WSCD1: variants seen among roughly 807,000 people sequenced by gnomAD.
WSCD1 encodes the protein WSC domain sialate O sulfotransferase 1.
In WSCD1, 41 loss-of-function variants were observed where a neutral mutation model predicts 60.4. That is an observed-to-expected ratio of 0.68 (90% CI 0.53 to 0.88). WSCD1 has a LOEUF of 0.88. Among genes scored for constraint, WSCD1 ranks in the 40% least tolerant of loss-of-function variants. The probability of loss-of-function intolerance (pLI) is 0.00; values close to 1 mark genes in which losing one functional copy is unlikely to be tolerated. For missense variants in WSCD1, 784 were observed against 796.2 expected, an observed-to-expected ratio of 0.98 and a Z score of 0.18; for synonymous variants, 361 against 332.5, an observed-to-expected ratio of 1.09 and a Z score of -0.93.
At chr17:6,112,874 A>G (rs918144726) in intron 7 of WSCD1, among the ~76,000 whole-genome samples, 3 of 152,188 alleles carry the variant, frequency 2.0e-5, no homozygotes, top group African/African-American at 7.2e-5. Context: ...TGCTACCAAA[A>G]GCAATCAACA....
intron 2 of WSCD1, among the ~76,000 whole-genome samples, chr17:6,085,967 G>A (rs1909611205): frequency 6.6e-6 from 1 of 152,128 alleles, no homozygotes; most frequent in Non-Finnish European, 1.5e-5. Flanking sequence ...GCATGTGCCT[G>A]TGGGCGTGGC....
chr17:6,120,634 G>C lies in WSCD1; in HGVS notation c.1701G>C (p.Gly567=). The C allele has an allele frequency of 6.2e-7, 1 of 1,612,748 alleles. No individual in the cohort carries two copies. The highest frequency in any genetic ancestry group is 1.3e-5 in the African/African-American group (1 of 75,046). Residue 567 remains glycine (G), a synonymous_variant, in exon 9 of 9, where the codon GGG becomes GGC. Coordinates refer to ENST00000317744, the MANE Select transcript of WSCD1 (RefSeq NM_015253.2). The part of the protein sequence containing the change: ...DQALRDHNWT[G]LPREYVPR ...CCCTGCGTGACCACAACTGGACGGG[G>C]CTGCCCAGGGAGTATGTGCCCAGAT...
At chr17:6,069,941 G>A (rs1908421951), upstream of WSCD1, among the ~76,000 whole-genome samples, 1 of 151,406 alleles carries the variant, frequency 6.6e-6, no homozygotes. Context: ...GTGTGAGTGT[G>A]GGTGTCGGTG....
chr17:6,116,296 G>GGTC (rs1203646183), intron 7 of WSCD1, among the ~76,000 whole-genome samples: 1 of 152,114 alleles, frequency 6.6e-6, no homozygotes, highest in African/African-American at 2.4e-5. Flanking sequence ...ATAGAGGTTG[G>GGTC]GTCGACACTG....
chr17:6,109,594 C>T lies in WSCD1; in HGVS notation c.850-13C>T, dbSNP rs775965865. 1.2e-5 allele frequency: 19 copies of T among 1,612,320 alleles called. No individual in the cohort carries two copies. Among genetic ancestry groups the T allele is most frequent in the Middle Eastern group, 1.7e-4 (1 of 6,056 alleles). ...TCACTCAGTGTGCTTCTCTTCTTATCGTTCCCTGGCAGGAGTTCCCCTTGG... is the reference window on the plus strand; with the variant it reads ...TCACTCAGTGTGCTTCTCTTCTTATTGTTCCCTGGCAGGAGTTCCCCTTGG... On this transcript the variant is annotated splice_polypyrimidine_tract_variant and intron_variant, in intron 5 of 8. Coordinates refer to ENST00000317744, the MANE Select transcript of WSCD1 (RefSeq NM_015253.2).
intron 2 of WSCD1, among the ~76,000 whole-genome samples, chr17:6,084,538 C>T (rs538128750): frequency 1.3e-5 from 2 of 152,354 alleles, no homozygotes; most frequent in East Asian, 1.9e-4. Context: ...CTGCAGGAGG[C>T]TCCATCAATC....
chr17:6,089,098 A>G (rs1001488853), intron 3 of WSCD1, among the ~76,000 whole-genome samples: 1 of 152,224 alleles, frequency 6.6e-6, no homozygotes, highest in Non-Finnish European at 1.5e-5. Context: ...TTGTTATGTC[A>G]CATAAATTCT....
intron 5 of WSCD1, among the ~76,000 whole-genome samples, chr17:6,100,976 T>C (rs1910766644): frequency 6.6e-6 from 1 of 152,170 alleles, no homozygotes; most frequent in Admixed American, 6.5e-5. Context: ...GTGAAATTGT[T>C]TGGAAGTTGA....
intron 4 of WSCD1, 26 bp downstream of exon 4, chr17:6,090,531 C>T: frequency 6.2e-7 from 1 of 1,609,864 alleles, no homozygotes; most frequent in Non-Finnish European, 8.5e-7. Flanking sequence ...TCTTCCTGAG[C>T]TTTGTCCGTC....
intron 2 of WSCD1, among the ~76,000 whole-genome samples, chr17:6,086,308 A>G (rs1412034340): frequency 7.2e-6 from 1 of 138,202 alleles, no homozygotes; most frequent in Non-Finnish European, 1.5e-5. Context: ...GCTAGTCCCC[A>G]TGGATAATAA....
intron 1 of WSCD1, chr17:6,077,956 G>A (rs544895983): frequency 1.3e-5 from 2 of 152,320 alleles, no homozygotes; most frequent in East Asian, 3.9e-4. Context: ...AGGCACTCTT[G>A]TTAACTCCAT....
In WSCD1 at chr17:6,123,522, G is replaced by A. The variant is rs947280716; in HGVS notation, c.*2861G>A. ...TTTGAGTGCATGAATCTGTGATAAT[G>A]TTTGCATATCAGAATGCATTCTCCC... On this transcript the variant is annotated 3_prime_UTR_variant, in exon 9 of 9. Transcript: ENST00000317744. The A allele has an allele frequency of 3.2e-4, 49 of 152,158 alleles. No individual in the cohort carries two copies. The highest frequency in any genetic ancestry group is 1.0e-3 in the African/African-American group (42 of 41,440). The allele number at this position is 152,158 out of a possible 1,614,324, so 9.4% of individuals were successfully genotyped here.
intron 5 of WSCD1, among the ~76,000 whole-genome samples, chr17:6,103,218 G>A (rs116520670): frequency 6.6e-6 from 1 of 152,194 alleles, no homozygotes; most frequent in Admixed American, 6.5e-5. Flanking sequence ...TTGTGGGCAC[G>A]AACAGTTTTG....
intron 4 of WSCD1, among the ~76,000 whole-genome samples, chr17:6,093,133 C>T (rs373443740): frequency 4.6e-5 from 7 of 152,182 alleles, no homozygotes; most frequent in African/African-American, 1.7e-4. Context: ...TGCCAAGTGA[C>T]CCTCAGGCTC....
rs535128332 is a variant in WSCD1, at chr17:6,106,029, T to A, written c.850-3578T>A. 3.4e-3 allele frequency among the ~76,000 whole-genome samples: 518 copies of A among 152,356 alleles called. 2 individuals are homozygous for A. The highest frequency in any genetic ancestry group is 3.9e-3 in the Non-Finnish European group (267 of 68,038). On this transcript the variant is annotated intron_variant, in intron 5 of 8. Transcript: ENST00000317744. ...GAAGGGACATTCATTTGCTTCTTCA[T>A]TCATTCACTCATTCATTCATTTCTT... is the stretch of plus-strand genomic sequence containing the variant.
In WSCD1 at chr17:6,080,996, G is replaced by A. The variant is rs754890361; in HGVS notation, c.338G>A (p.Arg113His). 3.2e-5 allele frequency: 49 copies of A among 1,545,450 alleles called. No homozygotes were observed. The highest frequency in any genetic ancestry group is 2.5e-4 in the South Asian group (21 of 84,168). ...CGCAACTCGGAGCTGCGTCAGTTGC[G>A]TCGCCGCTGGTTCCACCACTTCATG... ...RSRNSELRQL[R>H]RRWFHHFMSD... Residue 113 changes from arginine (R) to histidine (H), a missense_variant, in exon 2 of 9, where the codon CGT becomes CAT. Arg to His is a conservative substitution (Grantham distance 29). Transcript: ENST00000317744. The surrounding 1 kb of genome is among the most constrained non-coding windows in gnomAD (Gnocchi z 6.6).
chr17:6,111,796 G>A (rs561177189), intron 7 of WSCD1, among the ~76,000 whole-genome samples: 6 of 150,096 alleles, frequency 4.0e-5, no homozygotes, highest in African/African-American at 9.7e-5. Context: ...AAAAGGAAAT[G>A]TATGAAATAC....
intron 4 of WSCD1, among the ~76,000 whole-genome samples, chr17:6,091,952 C>G (rs569647419): frequency 5.3e-5 from 8 of 152,218 alleles, no homozygotes; most frequent in East Asian, 1.9e-4. Flanking sequence ...GTCAGGAGTT[C>G]GAGACCAGCC....
chr17:6,086,178 C>T (rs1262623831), intron 2 of WSCD1, among the ~76,000 whole-genome samples: 4 of 150,162 alleles, frequency 2.7e-5, no homozygotes, highest in Non-Finnish European at 5.9e-5. Flanking sequence ...CTCGCTTGTT[C>T]TCCTCTGCTT....
Sources: allele counts gnomAD v4.1 joint callset (sites outside exome capture counted in the v4.1 genomes callset), GRCh38; gene constraint gnomAD v4.1.1; non-coding constraint Gnocchi (gnomAD v3.1); transcripts MANE v1.5; gene names NCBI Gene and HGNC (gene_info 2026-07-23, HGNC 2026-07-21).